CREBBP: variants seen among roughly 807,000 people sequenced by gnomAD.
CREBBP encodes the protein CREB binding lysine acetyltransferase, also known as CREB-binding protein.
Under a neutral mutation model 265.0 loss-of-function variants are expected in CREBBP, and 19 were observed. The observed-to-expected ratio is 0.07, with a 90% CI of 0.05 to 0.11. The LOEUF (loss-of-function observed/expected upper bound fraction) is 0.11. CREBBP is among the 10% of genes least tolerant of loss of function. CREBBP has a pLI of 1.00. For synonymous variants in CREBBP, 1,457 were observed against 1,223.7 expected, an observed-to-expected ratio of 1.19 and a Z score of -3.98; for missense variants, 2,525 against 3,219.0, an observed-to-expected ratio of 0.78 and a Z score of 5.22.
chr16:3,731,155 G>C lies in CREBBP; in HGVS notation c.5172+37C>G, dbSNP rs2151315557. On this transcript the variant is annotated intron_variant, in intron 30 of 30. Coordinates refer to ENST00000262367, the MANE Select transcript of CREBBP (RefSeq NM_004380.3). The surrounding 1 kb of genome is among the most constrained non-coding windows in gnomAD (Gnocchi z 7.7). The stretch of plus-strand genomic sequence containing the variant: ...GGACAGGATGCTTCGTCAGACCCCA[G>C]GCCGGCTGTGGGGGTGGGGGTGGGG... 6.3e-7 allele frequency: 1 copy of C among 1,599,450 alleles called. No homozygotes were observed. The highest frequency in any genetic ancestry group is 8.5e-7 in the Non-Finnish European group (1 of 1,172,016).
At chr16:3,850,167 A>G in intron 2 of CREBBP, 130 bp downstream of exon 2, 1 of 859,942 alleles carries the variant, frequency 1.2e-6, no homozygotes, top group South Asian at 1.4e-5. Flanking sequence ...TGTCTCTTCC[A>G]AGCATGAGTG....
intron 1 of CREBBP, among the ~76,000 whole-genome samples, chr16:3,870,156 T>C (rs1218562426): frequency 6.6e-6 from 1 of 151,766 alleles, no homozygotes; most frequent in East Asian, 1.9e-4. Flanking sequence ...AAAAAAAAAA[T>C]CACACCAAAT....
intron 10 of CREBBP, 105 bp downstream of exon 10, chr16:3,777,906 C>T: frequency 7.4e-7 from 1 of 1,351,172 alleles, no homozygotes; most frequent in South Asian, 1.2e-5. Flanking sequence ...TTCTGCAGGG[C>T]ATGCATCAGA....
chr16:3,851,306 TAAAAA>T (rs1160251196), intron 1 of CREBBP, among the ~76,000 whole-genome samples: 1,177 of 76,494 alleles, frequency 0.015, 18 homozygotes, highest in African/African-American at 0.046. Context: ...AAAAAAAAAT[TAAAAA>T]AAAAAAAAAA....
chr16:3,814,203 C>A (rs1596991233), intron 2 of CREBBP, among the ~76,000 whole-genome samples: 2 of 99,050 alleles, frequency 2.0e-5, no homozygotes, highest in Admixed American at 1.9e-4. Flanking sequence ...GTGTTTGAGA[C>A]AGAGTCTCGT....
chr16:3,794,025 T>C (rs1318472931), intron 3 of CREBBP, among the ~76,000 whole-genome samples: 2 of 152,072 alleles, frequency 1.3e-5, no homozygotes, highest in African/African-American at 4.8e-5. Context: ...TACAACCTAA[T>C]TAAAAAGATT....
At chr16:3,759,646 T>C (rs929419302) in intron 16 of CREBBP, among the ~76,000 whole-genome samples, 8 of 151,494 alleles carry the variant, frequency 5.3e-5, no homozygotes, top group African/African-American at 2.0e-4. Context: ...AGTAAAGTTT[T>C]TTATCCTTGG....
chr16:3,736,278 C>T (rs906029937), intron 27 of CREBBP, 75 bp from the exon 28 acceptor site: 22 of 1,461,960 alleles, frequency 1.5e-5, no homozygotes, highest in South Asian at 1.4e-4. Context: ...CAGACCCCCA[C>T]GCAAGCGTGC....
At chr16:3,748,051 T>C (rs1009286342) in intron 21 of CREBBP, among the ~76,000 whole-genome samples, 41 of 151,998 alleles carry the variant, frequency 2.7e-4, no homozygotes, top group South Asian at 4.1e-4. Context: ...GATTGTGCCA[T>C]TGCACTCCAG....
At chr16:3,848,124 G>A (rs1304648794) in intron 2 of CREBBP, among the ~76,000 whole-genome samples, 1 of 151,350 alleles carries the variant, frequency 6.6e-6, no homozygotes, top group African/African-American at 2.4e-5. Flanking sequence ...GAGCCCAGAT[G>A]GTGCCACTGC....
At chr16:3,769,821 T>TA (rs1414344239) in intron 14 of CREBBP, among the ~76,000 whole-genome samples, 1 of 151,968 alleles carries the variant, frequency 6.6e-6, no homozygotes. Flanking sequence ...AAATGAACAT[T>TA]ACACGAAGGA....
intron 3 of CREBBP, among the ~76,000 whole-genome samples, chr16:3,806,119 C>G (rs960656496): frequency 2.6e-5 from 4 of 152,162 alleles, no homozygotes; most frequent in African/African-American, 4.8e-5. Flanking sequence ...ATGGAATGAA[C>G]CCCTGGACAC....
At chr16:3,811,931 G>A (rs1327275839) in intron 2 of CREBBP, among the ~76,000 whole-genome samples, 1 of 152,142 alleles carries the variant, frequency 6.6e-6, no homozygotes, top group African/African-American at 2.4e-5. Context: ...AACAGCAGGG[G>A]ATTAGTAGTA....
chr16:3,837,208 G>T (rs1248402749), intron 2 of CREBBP, among the ~76,000 whole-genome samples: 1 of 152,128 alleles, frequency 6.6e-6, no homozygotes, highest in Non-Finnish European at 1.5e-5. Flanking sequence ...AGATGTGGAG[G>T]AGAAAAACAG....
At chr16:3,739,430 AAACT>A (rs756940197) in intron 25 of CREBBP, 144 bp downstream of exon 25, 3 of 923,494 alleles carry the variant, frequency 3.2e-6, no homozygotes, top group Non-Finnish European at 5.0e-6. Context: ...ATGGAAAACA[AAACT>A]AACTACTTTG....
At chr16:3,779,690 C>A (rs2053228551) in intron 8 of CREBBP, among the ~76,000 whole-genome samples, 1 of 152,114 alleles carries the variant, frequency 6.6e-6, no homozygotes, top group African/African-American at 2.4e-5. Flanking sequence ...TGGGTCATTT[C>A]CAGAATAACA....
At chr16:3,879,207 A>C (rs537030098) in intron 1 of CREBBP, among the ~76,000 whole-genome samples, 6 of 145,206 alleles carry the variant, frequency 4.1e-5, no homozygotes, top group Admixed American at 2.9e-4. Context: ...AAATGGAATG[A>C]CTAGTTGACT....
chr16:3,773,973 G>C (rs750743820), intron 12 of CREBBP, 43 bp from the exon 13 acceptor site: 2 of 1,605,768 alleles, frequency 1.2e-6, no homozygotes, highest in East Asian at 2.2e-5. Context: ...TTCGGAAGCT[G>C]ACGGCCAGAG....
chr16:3,797,009 C>A (rs1596956136), intron 3 of CREBBP, among the ~76,000 whole-genome samples: 1 of 152,284 alleles, frequency 6.6e-6, no homozygotes, highest in Middle Eastern at 3.4e-3. Context: ...ATTTCCTCCT[C>A]TCCCAGGCTG....
Sources: gnomAD v4.1 joint callset for allele counts (sites outside exome capture counted in the v4.1 genomes callset) on GRCh38, gnomAD v4.1.1 for gene constraint, Gnocchi (gnomAD v3.1) non-coding constraint, MANE v1.5 for transcripts, NCBI Gene and HGNC (gene_info 2026-07-23, HGNC 2026-07-21) for gene names.